Variants in SMYD1 observed in about 807,000 individuals in gnomAD.
The protein encoded by SMYD1 is histone-lysine N-methyltransferase SMYD1.
In SMYD1, 49 loss-of-function variants were observed where a neutral mutation model predicts 54.0. That is an observed-to-expected ratio of 0.91 (90% CI 0.72 to 1.15). The LOEUF is 1.15. SMYD1 is among the 50% of genes most tolerant of loss of function. SMYD1 has a pLI of 0.00. For missense variants in SMYD1, 653 were observed against 639.6 expected (o/e 1.02, Z -0.23); for synonymous variants, 269 against 234.2 (o/e 1.15, Z -1.36).
chr2:88,096,820 G>T (rs1674601064), intron 6 of SMYD1, 36 bp downstream of exon 6: 2 of 1,587,072 alleles, frequency 1.3e-6, no homozygotes, highest in African/African-American at 2.7e-5. Context: ...GTTTGTGTCT[G>T]TCTTCTCCGG....
chr2:88,100,209 T>C (rs550630245), intron 6 of SMYD1, among the ~76,000 whole-genome samples: 1 of 152,318 alleles, frequency 6.6e-6, no homozygotes, highest in Non-Finnish European at 1.5e-5. Context: ...CCCCGTTTCC[T>C]TTCTCAGAGT....
At chr2:88,072,665 A>AT (rs565054255) in intron 1 of SMYD1, among the ~76,000 whole-genome samples, 67 of 152,094 alleles carry the variant, frequency 4.4e-4, no homozygotes, top group Middle Eastern at 3.4e-3. Context: ...TAATTGGCAG[A>AT]TTTTTTTTGA....
chr2:88,088,814 G>C (rs1302435268), intron 3 of SMYD1, among the ~76,000 whole-genome samples: 2 of 152,236 alleles, frequency 1.3e-5, no homozygotes, highest in African/African-American at 4.8e-5. Flanking sequence ...GGGAGTCAGG[G>C]TTTTGGGGTG....
At chr2:88,086,565 C>T (rs1031405272) in intron 2 of SMYD1, among the ~76,000 whole-genome samples, 6 of 152,190 alleles carry the variant, frequency 3.9e-5, no homozygotes, top group Non-Finnish European at 8.8e-5. Flanking sequence ...AGCCCCGCTC[C>T]GGCCAGGCCA....
At chr2:88,103,997 C>T (rs374704759) in intron 7 of SMYD1, among the ~76,000 whole-genome samples, 24 of 147,454 alleles carry the variant, frequency 1.6e-4, no homozygotes, top group South Asian at 1.5e-3. Context: ...GATGGAGTCT[C>T]GCTCTGTCAC....
intron 9 of SMYD1, among the ~76,000 whole-genome samples, chr2:88,109,500 A>C (rs528237246): frequency 6.6e-6 from 1 of 152,286 alleles, no homozygotes; most frequent in South Asian, 2.1e-4. Flanking sequence ...TGTGAAATGC[A>C]CTTAGTGCCT....
chr2:88,081,467 T>C (rs1245133975), intron 1 of SMYD1, among the ~76,000 whole-genome samples: 2 of 151,248 alleles, frequency 1.3e-5, no homozygotes, highest in Non-Finnish European at 3.0e-5. Context: ...GACAGAGTCT[T>C]GATCTGTCAC....
In SMYD1 at chr2:88,087,956, G is replaced by A; in HGVS notation, c.409G>A (p.Glu137Lys). The A allele has an allele frequency of 6.2e-7, 1 of 1,614,164 alleles. No individual in the cohort carries two copies. The highest frequency in any genetic ancestry group is 1.3e-5 in the African/African-American group (1 of 75,064). Reference sequence around the variant, plus strand: ...CGTGGACGACTTGCAGAACCACGTGGAGCACTTTGGGGAGGAGGAGCAGAA... The same window carrying A: ...CGTGGACGACTTGCAGAACCACGTGAAGCACTTTGGGGAGGAGGAGCAGAA... ...VSVDDLQNHVEHFGEEEQKDL... is the reference protein window; with the variant it reads ...VSVDDLQNHVKHFGEEEQKDL... Residue 137 changes from glutamate (E) to lysine (K), a missense_variant, in exon 3 of 10, where the codon GAG (glutamate) becomes AAG (lysine). Coordinates refer to ENST00000419482, the MANE Select transcript of SMYD1 (RefSeq NM_198274.4).
In SMYD1 at chr2:88,110,552, T is replaced by G; in HGVS notation, c.*40T>G. On this transcript the variant is annotated 3_prime_UTR_variant, in exon 10 of 10. Transcript: ENST00000419482. ...AGGAGGGGCGATGTGGCTGGGGAGC[T>G]AGGGAGAGACTCTGGAGGTGGTGGG... 1 of 1,513,862 alleles carries G rather than the reference T, an allele frequency of 6.6e-7. No homozygotes were observed. Among genetic ancestry groups the G allele is most frequent in the Non-Finnish European group, 8.9e-7 (1 of 1,124,100 alleles). 93.8% of individuals were successfully genotyped at this position (1,513,862 alleles called of 1,614,324 possible). A position where few individuals can be genotyped will look rare whatever the true frequency, so the allele number is the denominator to read the frequency against.
rs867834526 is a variant in SMYD1, at chr2:88,106,330, G to A, written c.987G>A (p.Val329=). 4 of 1,614,120 alleles carry A rather than the reference G, an allele frequency of 2.5e-6. No homozygotes were observed. Among genetic ancestry groups the A allele is most frequent in the Non-Finnish European group, 3.4e-6 (4 of 1,180,012 alleles). ...GGGCCTCTGTCTCACTCTAGGTTGT[G>A]AAATTATGCCGGGAGTGCCTGGAGA... is the stretch of plus-strand genomic sequence containing the variant. ...ARSEGLYHEV[V]KLCRECLEKQ... The change falls in exon 8 of 10, where the codon GTG becomes GTA. Residue 329 remains valine (V), a synonymous_variant. Coordinates refer to ENST00000419482, the MANE Select transcript of SMYD1 (RefSeq NM_198274.4).
chr2:88,106,241 T>A (rs1674864452), intron 7 of SMYD1, 84 bp from the exon 8 acceptor site: 2 of 1,529,408 alleles, frequency 1.3e-6, no homozygotes, highest in Admixed American at 3.6e-5. Flanking sequence ...AATGATTGTC[T>A]GGTATCACCA....
intron 6 of SMYD1, among the ~76,000 whole-genome samples, chr2:88,100,647 C>T (rs1481688451): frequency 6.6e-6 from 1 of 152,124 alleles, no homozygotes; most frequent in African/African-American, 2.4e-5. Context: ...TTCCAATAGG[C>T]TTAGGAAAGC....
chr2:88,068,613 T>TG (rs1369862027), intron 1 of SMYD1, among the ~76,000 whole-genome samples: 14 of 146,826 alleles, frequency 9.5e-5, no homozygotes, highest in Non-Finnish European at 3.0e-5. Flanking sequence ...TCTGTCTGGT[T>TG]TTTTTTTTTT....
chr2:88,108,460 G>C lies in SMYD1; in HGVS notation c.1235G>C (p.Gly412Ala). Reference protein sequence around the residue: ...TNWHAGNIEVGHGMICKAYAI... With the variant: ...TNWHAGNIEVAHGMICKAYAI... ...TGGCATGCTGGTAACATTGAGGTGG[G>C]GCACGGGATGATCTGCAAAGCCTAT... Residue 412 changes from glycine to alanine, a missense_variant, in exon 9 of 10, where the codon GGG becomes GCG. Transcript: ENST00000419482. The C allele has an allele frequency of 6.2e-7, 1 of 1,612,912 alleles. No homozygotes were observed. Among genetic ancestry groups the C allele is most frequent in the Non-Finnish European group, 8.5e-7 (1 of 1,179,530 alleles).
At position 88,103,137 on chromosome 2, in the gene SMYD1, G is replaced by A. The variant is rs760581291; in HGVS notation, c.968G>A (p.Gly323Asp). The change falls in exon 7 of 10, where the codon GGT becomes GAT. Residue 323 changes from glycine to aspartate, a missense_variant. Transcript: ENST00000419482. Reference sequence around the variant, plus strand: ...AAGATAGACAAGGCTCGTTCCGAGGGTTTGTATCATGAGGTAAGAATTCAC... The same window carrying A: ...AAGATAGACAAGGCTCGTTCCGAGGATTTGTATCATGAGGTAAGAATTCAC... ...LEKIDKARSE[G>D]LYHEVVKLCR... 4 of 1,607,580 alleles carry A rather than the reference G, an allele frequency of 2.5e-6. No homozygotes were observed. The highest frequency in any genetic ancestry group is 2.2e-5 in the South Asian group (2 of 90,996).
intron 7 of SMYD1, among the ~76,000 whole-genome samples, chr2:88,103,412 CT>C (rs1387359154): frequency 6.6e-6 from 1 of 152,112 alleles, no homozygotes; most frequent in Admixed American, 6.5e-5. Context: ...ACACTTGTCC[CT>C]GGGGGATCTG....
intron 4 of SMYD1, among the ~76,000 whole-genome samples, chr2:88,092,306 G>A (rs1674480681): frequency 1.3e-5 from 2 of 152,114 alleles, no homozygotes; most frequent in Non-Finnish European, 2.9e-5. Context: ...TTGGGGGTGG[G>A]GTACAAATGG....
At chr2:88,079,422 T>C (rs1674137941) in intron 1 of SMYD1, among the ~76,000 whole-genome samples, 1 of 152,206 alleles carries the variant, frequency 6.6e-6, no homozygotes, top group Non-Finnish European at 1.5e-5. Context: ...TTCTTTCTGT[T>C]GGAGCCAGGC....
rs936921305 is a variant in SMYD1 at position 88,112,982 on chromosome 2, C to T, written c.*2470C>T. The T allele has an allele frequency of 6.6e-6, 1 of 152,182 alleles. No homozygotes were observed. The highest frequency in any genetic ancestry group is 2.4e-5 in the African/African-American group (1 of 41,438). 9.4% of individuals were successfully genotyped at this position (152,182 alleles called of 1,614,324 possible). A position where few individuals can be genotyped will look rare whatever the true frequency, so the allele number is the denominator to read the frequency against. ...CTGATGATTCTCAAATCTGTATTCC[C>T]CGATCTTGCATTTGAGCTCCAGCCC... On this transcript the variant is annotated 3_prime_UTR_variant, in exon 10 of 10. Coordinates refer to ENST00000419482, the MANE Select transcript of SMYD1 (RefSeq NM_198274.4).
Sources: allele counts gnomAD v4.1 joint callset (sites outside exome capture counted in the v4.1 genomes callset), GRCh38; gene constraint gnomAD v4.1.1; transcripts MANE v1.5; gene names NCBI Gene and HGNC (gene_info 2026-07-23, HGNC 2026-07-21).